Variants in CELF2 observed in about 807,000 individuals in gnomAD.
CELF2 encodes the protein CUG triplet repeat RNA-binding protein 2.
A neutral mutation model predicts 62.6 loss-of-function variants in CELF2; 8 were observed. The ratio of observed to expected loss-of-function variants is 0.13; its 90% CI spans 0.07 to 0.23. The LOEUF (loss-of-function observed/expected upper bound fraction) is 0.23. Among genes scored for constraint, CELF2 ranks in the 10% least tolerant of loss-of-function variants. CELF2 has a pLI of 1.00. For synonymous variants in CELF2, 258 were observed against 250.0 expected, an observed-to-expected ratio of 1.03 and a Z score of -0.30; for missense variants, 333 against 671.0, an observed-to-expected ratio of 0.50 and a Z score of 5.56.
chr10:10,731,463 A>G, the CELF2 span, among the ~76,000 whole-genome samples: 208 of 152,356 alleles, frequency 1.4e-3, 1 homozygote, highest in African/African-American at 4.8e-3. Flanking sequence ...TGACAATTGT[A>G]TAAAATGGAA....
chr10:11,051,294 G>A (rs1010815824), intron 1 of CELF2, among the ~76,000 whole-genome samples: 9 of 152,140 alleles, frequency 5.9e-5, no homozygotes, highest in Non-Finnish European at 1.2e-4. Flanking sequence ...ATCTTTTACT[G>A]CATTTCACTT....
chr10:11,238,733 A>G (rs540178002), intron 3 of CELF2, among the ~76,000 whole-genome samples: 2 of 152,340 alleles, frequency 1.3e-5, no homozygotes, highest in East Asian at 3.9e-4. Flanking sequence ...AAATATTTCT[A>G]AGAAAAATTG....
chr10:10,703,321 G>T, the CELF2 span, among the ~76,000 whole-genome samples: 121 of 152,290 alleles, frequency 7.9e-4, 1 homozygote, highest in East Asian at 0.018. Flanking sequence ...GACTCAGCTA[G>T]TCCGTGTTCA....
the CELF2 span, among the ~76,000 whole-genome samples, chr10:10,467,987 T>G: frequency 6.6e-6 from 1 of 152,082 alleles, no homozygotes; most frequent in Non-Finnish European, 1.5e-5. Context: ...ATTTAACTGA[T>G]GACAAGGCAA....
At chr10:11,092,348 A>G (rs561601729) in intron 1 of CELF2, 1 of 152,362 alleles carries the variant, frequency 6.6e-6, no homozygotes, top group South Asian at 2.1e-4. Context: ...TTGTTGGCGG[A>G]CACCACTTTA....
the CELF2 span, among the ~76,000 whole-genome samples, chr10:10,525,895 C>T: frequency 3.3e-4 from 50 of 152,278 alleles, no homozygotes; most frequent in African/African-American, 1.2e-3. Context: ...TTTTGACAAA[C>T]TTCCATCCTG....
At chr10:11,069,808 G>A (rs565259281) in intron 1 of CELF2, among the ~76,000 whole-genome samples, 4 of 152,260 alleles carry the variant, frequency 2.6e-5, no homozygotes, top group East Asian at 1.9e-4. Flanking sequence ...ACTATGAGCC[G>A]TCACATGTTA....
chr10:11,049,373 G>T (rs1432837844), intron 1 of CELF2, among the ~76,000 whole-genome samples: 1 of 151,694 alleles, frequency 6.6e-6, no homozygotes, highest in East Asian at 1.9e-4. Context: ...TTTTACTCGT[G>T]TATTCTAATG....
At chr10:10,663,285 C>T in the CELF2 span, among the ~76,000 whole-genome samples, 2 of 152,118 alleles carry the variant, frequency 1.3e-5, no homozygotes, top group Non-Finnish European at 1.5e-5. Flanking sequence ...CAGAAGCAAG[C>T]GGCTACAAGT....
At chr10:11,050,404 T>G (rs897901780) in intron 1 of CELF2, among the ~76,000 whole-genome samples, 8 of 152,204 alleles carry the variant, frequency 5.3e-5, no homozygotes, top group African/African-American at 1.9e-4. Flanking sequence ...ATGCGTGAGA[T>G]GAGTGACACT....
chr10:10,671,191 G>A, the CELF2 span, among the ~76,000 whole-genome samples: 43 of 116,166 alleles, frequency 3.7e-4, no homozygotes, highest in East Asian at 1.0e-3. Flanking sequence ...AAAGAGAAAA[G>A]AATTATCTGT....
the CELF2 span, among the ~76,000 whole-genome samples, chr10:10,688,457 G>A: frequency 6.6e-6 from 1 of 152,162 alleles, no homozygotes; most frequent in Non-Finnish European, 1.5e-5. Flanking sequence ...CCTCCATTTA[G>A]TGTGTTTAAC....
At position 10,983,086 on chromosome 10, in the gene CELF2, A is replaced by G. The variant is rs1045499681; in HGVS notation, c.89+63087A>G. Among the ~76,000 whole-genome samples the G allele has an allele frequency of 2.6e-5, 4 of 152,172 alleles. No homozygotes were observed. The highest frequency in any genetic ancestry group is 7.2e-5 in the African/African-American group (3 of 41,442). Reference sequence around the variant, plus strand: ...GGAGGTTGCATCTTCTCAATCCGGTAATTAGCTGAAGTGCTACATTTTAAA... The same window carrying G: ...GGAGGTTGCATCTTCTCAATCCGGTGATTAGCTGAAGTGCTACATTTTAAA... On this transcript the variant is annotated intron_variant, in intron 2 of 13. Transcript: ENST00000636488. The surrounding 1 kb of genome is among the most constrained non-coding windows in gnomAD (Gnocchi z 5.2).
the CELF2 span, among the ~76,000 whole-genome samples, chr10:10,471,752 A>C: frequency 2.0e-5 from 3 of 151,854 alleles, no homozygotes; most frequent in Non-Finnish European, 4.4e-5. Context: ...AAAGATGTTT[A>C]TGTACATCTT....
intron 1 of CELF2, among the ~76,000 whole-genome samples, chr10:11,068,625 A>G (rs1337040795): frequency 2.6e-5 from 4 of 151,122 alleles, no homozygotes; most frequent in African/African-American, 4.9e-5. Context: ...CAGTGGCCCG[A>G]TCTTGGCTCA....
chr10:10,954,579 C>T (rs1219799651), intron 2 of CELF2, among the ~76,000 whole-genome samples: 1 of 152,148 alleles, frequency 6.6e-6, no homozygotes, highest in East Asian at 1.9e-4. Context: ...GTCAAATGTA[C>T]CATTTTCCCG....
intron 1 of CELF2, among the ~76,000 whole-genome samples, chr10:10,873,498 G>A (rs2060891041): frequency 6.6e-6 from 1 of 152,144 alleles, no homozygotes; most frequent in Non-Finnish European, 1.5e-5. Context: ...TCTCAAGCTG[G>A]ATTCTGTCCA....
intron 1 of CELF2, among the ~76,000 whole-genome samples, chr10:11,077,248 A>C (rs1036428115): frequency 9.9e-5 from 15 of 152,242 alleles, no homozygotes; most frequent in Non-Finnish European, 1.8e-4. Flanking sequence ...AATGTGTGCC[A>C]ACACCAGAAC....
the CELF2 span, among the ~76,000 whole-genome samples, chr10:10,699,398 A>T: frequency 6.6e-6 from 1 of 152,182 alleles, no homozygotes; most frequent in Non-Finnish European, 1.5e-5. Context: ...TGGGGATATC[A>T]ATGGTGAGCA....
Sources: gnomAD v4.1 joint callset for allele counts (sites outside exome capture counted in the v4.1 genomes callset) on GRCh38, gnomAD v4.1.1 for gene constraint, Gnocchi (gnomAD v3.1) non-coding constraint, MANE v1.5 for transcripts, NCBI Gene and HGNC (gene_info 2026-07-23, HGNC 2026-07-21) for gene names.